The following TTPA variants were observed in gnomAD, a reference collection of about 807,000 sequenced individuals.
The protein encoded by TTPA is alpha-tocopherol transfer protein.
Under a neutral mutation model 25.9 loss-of-function variants are expected in TTPA, and 23 were observed. The observed-to-expected ratio is 0.89, with a 90% confidence interval of 0.64 to 1.26. TTPA has a LOEUF of 1.26. Ranked by LOEUF, TTPA falls within the 50% of genes most tolerant of loss-of-function variation. The pLI, the probability that TTPA is intolerant of heterozygous loss-of-function variation, is 0.00. For synonymous variants in TTPA, 148 were observed against 137.3 expected, an observed-to-expected ratio of 1.08 and a Z score of -0.54; for missense variants, 337 against 353.1, an observed-to-expected ratio of 0.95 and a Z score of 0.37.
chr8:63,082,026 T>C (rs878998531), intron 1 of TTPA, among the ~76,000 whole-genome samples: 1 of 152,168 alleles, frequency 6.6e-6, no homozygotes, highest in African/African-American at 2.4e-5. Context: ...TCCATGCTCA[T>C]GGGTAGGAAG....
At chr8:63,079,307 G>A (rs910834719) in intron 1 of TTPA, among the ~76,000 whole-genome samples, 1 of 152,140 alleles carries the variant, frequency 6.6e-6, no homozygotes, top group African/African-American at 2.4e-5. Flanking sequence ...ACATCATAAT[G>A]ACTGGATCAA....
At chr8:63,081,669 G>T (rs2129785070) in intron 1 of TTPA, among the ~76,000 whole-genome samples, 1 of 152,238 alleles carries the variant, frequency 6.6e-6, no homozygotes, top group Non-Finnish European at 1.5e-5. Flanking sequence ...AAGAAATAAA[G>T]GGTATTCAAT....
At chr8:63,081,474 T>C (rs931810603) in intron 1 of TTPA, among the ~76,000 whole-genome samples, 1 of 152,184 alleles carries the variant, frequency 6.6e-6, no homozygotes, top group Non-Finnish European at 1.5e-5. Context: ...AAAAACTAGA[T>C]ATTTATGGAA....
At chr8:63,066,192 G>T in intron 2 of TTPA, 95 bp from the exon 3 acceptor site, 2 of 1,273,780 alleles carry the variant, frequency 1.6e-6, no homozygotes, top group Non-Finnish European at 1.1e-6. Context: ...TAAAAGATCA[G>T]TTGAAATAAA....
chr8:63,077,708 A>G (rs939137859), intron 1 of TTPA, among the ~76,000 whole-genome samples: 6 of 152,348 alleles, frequency 3.9e-5, no homozygotes, highest in Admixed American at 1.3e-4. Context: ...TACAGCCTCC[A>G]TAGACTCCAC....
chr8:63,065,529 A>G (rs911146905), intron 3 of TTPA, among the ~76,000 whole-genome samples: 1 of 146,892 alleles, frequency 6.8e-6, no homozygotes, highest in African/African-American at 2.7e-5. Flanking sequence ...ACCTTTTGGA[A>G]AAAAAAGATA....
intron 1 of TTPA, among the ~76,000 whole-genome samples, chr8:63,076,632 T>A (rs1015784516): frequency 8.5e-5 from 13 of 152,158 alleles, no homozygotes; most frequent in African/African-American, 1.4e-4. Flanking sequence ...TCCCAGAGGC[T>A]GATGGTCAAT....
chr8:63,059,077 G>C (rs1464446571), downstream of TTPA, among the ~76,000 whole-genome samples: 4 of 115,034 alleles, frequency 3.5e-5, no homozygotes, highest in Non-Finnish European at 6.6e-5. Flanking sequence ...TGTCACCCAG[G>C]CTGGAGTGCA....
intron 1 of TTPA, among the ~76,000 whole-genome samples, chr8:63,083,385 G>A (rs1028707062): frequency 3.3e-5 from 5 of 152,092 alleles, no homozygotes; most frequent in Admixed American, 6.6e-5. Flanking sequence ...CTATCACAAA[G>A]ACAGAAAACC....
Position 63,072,938 on chromosome 8 carries a change from T to C in TTPA, c.355A>G (p.Ile119Val), listed in dbSNP as rs766200402. ...AAAAGAGTTGTGTATGACTTACCGA[T>C]TCTGTAAATAAGAACTTTGCTGCCA... is the stretch of plus-strand genomic sequence containing the variant. ...PTGSKVLIYR[I>V]AHWDPKVFTA... The change falls in exon 2 of 5, where the codon ATC (isoleucine) becomes GTC (valine). Residue 119 changes from isoleucine to valine, a missense_variant. Ile to Val is a conservative substitution (Grantham distance 29, BLOSUM62 3). Transcript: ENST00000260116. 7.1e-5 allele frequency: 115 copies of C among 1,613,852 alleles called. No homozygotes were observed. In the Admixed American group the frequency reaches 1.9e-3, roughly 26 times the overall value.
intron 2 of TTPA, among the ~76,000 whole-genome samples, chr8:63,072,292 T>C (rs1159607009): frequency 6.6e-6 from 1 of 152,212 alleles, no homozygotes; most frequent in Admixed American, 6.5e-5. Flanking sequence ...AGACGGACTC[T>C]TGTTCTTTTG....
chr8:63,081,440 A>G (rs1306352579), intron 1 of TTPA, among the ~76,000 whole-genome samples: 1 of 152,214 alleles, frequency 6.6e-6, no homozygotes, highest in Non-Finnish European at 1.5e-5. Context: ...AAAATTCAAC[A>G]GCCCTTCATG....
intron 1 of TTPA, among the ~76,000 whole-genome samples, chr8:63,084,925 T>C (rs1226746974): frequency 2.6e-5 from 4 of 152,220 alleles, no homozygotes; most frequent in African/African-American, 4.8e-5. Context: ...AAAAACCTCA[T>C]ACTGAGACAC....
rs926375992 is a variant in TTPA, at chr8:63,064,395, C to T, written c.553-79G>A. 5 of 960,560 alleles carry T rather than the reference C, an allele frequency of 5.2e-6. No homozygotes were observed. The African/African-American group carries it at 6.5e-5, about 13-fold the overall frequency. The allele number at this position is 960,560 out of a possible 1,614,324, so 59.5% of individuals were successfully genotyped here. A position where few individuals can be genotyped will look rare whatever the true frequency, so the allele number is the denominator to read the frequency against. On this transcript the variant is annotated intron_variant, in intron 3 of 4. Transcript: ENST00000260116. ...CCTAATGTCAAGTTTCTTCTTTGAA[C>T]ACTTGCTAAGCTTATGGAAATATCT...
At position 63,060,306 on chromosome 8, in the gene TTPA, T is replaced by A. The variant is rs1024207567; in HGVS notation, c.*946A>T. 1 of 152,210 alleles carries A rather than the reference T, an allele frequency of 6.6e-6. No homozygotes were observed. The highest frequency in any genetic ancestry group is 1.5e-5 in the Non-Finnish European group (1 of 68,038). 9.4% of individuals were successfully genotyped at this position (152,210 alleles called of 1,614,324 possible). A position where few individuals can be genotyped will look rare whatever the true frequency, so the allele number is the denominator to read the frequency against. ...ATGCAAAGCAGATATTGAGAAGCCATCAACTGTGCCTGACGTATTTTCTAA... is the reference window on the plus strand; with the variant it reads ...ATGCAAAGCAGATATTGAGAAGCCAACAACTGTGCCTGACGTATTTTCTAA... On this transcript the variant is annotated 3_prime_UTR_variant, in exon 5 of 5. Coordinates refer to ENST00000260116, the MANE Select transcript of TTPA (RefSeq NM_000370.3).
chr8:63,084,097 G>A (rs1189717731), intron 1 of TTPA, among the ~76,000 whole-genome samples: 3 of 151,994 alleles, frequency 2.0e-5, no homozygotes, highest in Non-Finnish European at 4.4e-5. Flanking sequence ...TGTTGCACAG[G>A]CTGTTCGTGA....
rs117968555 is a variant in TTPA at position 63,081,619 on chromosome 8, A to G, written c.204+4199T>C. On this transcript the variant is annotated intron_variant, in intron 1 of 4. Transcript: ENST00000260116. Reference sequence around the variant, plus strand: ...CCCTCTCTCACCATTCCCATTCAACATAGTGTTGGAAATCCTGGCCACGGC... The same window carrying G: ...CCCTCTCTCACCATTCCCATTCAACGTAGTGTTGGAAATCCTGGCCACGGC... Among the ~76,000 whole-genome samples the G allele has an allele frequency of 5.1e-4, 77 of 152,308 alleles. 1 individual carries two copies. The East Asian group carries it at 0.013, about 26-fold the overall frequency.
intron 1 of TTPA, 116 bp from the exon 2 acceptor site, chr8:63,073,204 T>C: frequency 3.7e-6 from 3 of 805,244 alleles, no homozygotes. Context: ...GTCAAGAGTT[T>C]AATCTAGGGT....
In TTPA at chr8:63,064,252, A is replaced by G; in HGVS notation, c.617T>C (p.Val206Ala). ...CAGGAATGGTTTGATCATGGAAAAG[A>G]CAGCATGGAAAATTACTGGTTCATT... ...LINEPVIFHA[V>A]FSMIKPFLTE... The change falls in exon 4 of 5, where the codon GTC (valine) becomes GCC (alanine). Residue 206 changes from valine (V) to alanine (A), a missense_variant. Val to Ala is a moderately conservative substitution (Grantham distance 64). Coordinates refer to ENST00000260116, the MANE Select transcript of TTPA (RefSeq NM_000370.3). 1 of 1,613,312 alleles carries G rather than the reference A, an allele frequency of 6.2e-7. No individual in the cohort carries two copies. The highest frequency in any genetic ancestry group is 1.1e-5 in the South Asian group (1 of 91,030).
Sources: allele counts gnomAD v4.1 joint callset (sites outside exome capture counted in the v4.1 genomes callset), GRCh38; gene constraint gnomAD v4.1.1; transcripts MANE v1.5; gene names NCBI Gene and HGNC (gene_info 2026-07-23, HGNC 2026-07-21).